Variants in TRDN observed in about 807,000 individuals in gnomAD.
The protein encoded by TRDN is triadin in skeletal muscle.
In TRDN, 161 loss-of-function variants were observed where a neutral mutation model predicts 149.7. The ratio of observed to expected loss-of-function variants is 1.08; its 90% confidence interval spans 0.95 to 1.23. TRDN has a LOEUF of 1.23. TRDN is among the 50% of genes most tolerant of loss of function. The probability of loss-of-function intolerance (pLI) is 0.00; values close to 1 mark genes in which losing one functional copy is unlikely to be tolerated. For synonymous variants in TRDN, 294 were observed against 250.5 expected (o/e 1.17, Z -1.64); for missense variants, 896 against 823.5 (o/e 1.09, Z -1.08).
chr6:123,249,352 TC>T (rs1776297159), intron 38 of TRDN, among the ~76,000 whole-genome samples: 1 of 152,178 alleles, frequency 6.6e-6, no homozygotes, highest in East Asian at 1.9e-4. Context: ...TTGGTTCAAT[TC>T]CTATGGAAAA....
chr6:123,535,929 G>A (rs1055891067), intron 4 of TRDN, among the ~76,000 whole-genome samples: 1 of 152,030 alleles, frequency 6.6e-6, no homozygotes, highest in Non-Finnish European at 1.5e-5. Flanking sequence ...ACAAAAATAT[G>A]TGCATCTCTG....
chr6:123,389,357 G>C (rs1782022844), intron 13 of TRDN: 1 of 152,134 alleles, frequency 6.6e-6, no homozygotes, highest in Non-Finnish European at 1.5e-5. Context: ...TTCCAGTATG[G>C]TAATCTCACC....
chr6:123,571,494 G>T (rs1474228530), intron 1 of TRDN, among the ~76,000 whole-genome samples: 1 of 99,740 alleles, frequency 1.0e-5, no homozygotes, highest in Non-Finnish European at 1.9e-5. Context: ...TTCATGTTTT[G>T]TTTGTTTGTT....
intron 6 of TRDN, among the ~76,000 whole-genome samples, chr6:123,512,731 G>A (rs1017746429): frequency 2.0e-5 from 3 of 152,048 alleles, no homozygotes; most frequent in African/African-American, 7.2e-5. Flanking sequence ...AAATTGTGTT[G>A]TTTGGTAGTT....
chr6:123,267,901 A>T (rs1435029469), intron 31 of TRDN, 150 bp from the exon 32 acceptor site: 1 of 614,784 alleles, frequency 1.6e-6, no homozygotes, highest in Non-Finnish European at 2.7e-6. Context: ...GCATATTGCC[A>T]TAAAAAAATT....
intron 9 of TRDN, among the ~76,000 whole-genome samples, chr6:123,495,961 C>T (rs1352783096): frequency 1.3e-5 from 2 of 150,754 alleles, no homozygotes; most frequent in Non-Finnish European, 3.0e-5. Flanking sequence ...TGTCTTTCCA[C>T]CATATCACAC....
At chr6:123,337,079 G>A (rs1014839750) in intron 22 of TRDN, among the ~76,000 whole-genome samples, 13 of 151,910 alleles carry the variant, frequency 8.6e-5, no homozygotes, top group African/African-American at 2.4e-4. Context: ...AGAATTTCAT[G>A]CTTTTTCATA....
At chr6:123,270,192 G>A (rs1295265015) in intron 30 of TRDN, among the ~76,000 whole-genome samples, 2 of 151,916 alleles carry the variant, frequency 1.3e-5, no homozygotes, top group African/African-American at 4.8e-5. Context: ...ATACCTTAGG[G>A]TGCAAATTAA....
intron 24 of TRDN, among the ~76,000 whole-genome samples, chr6:123,281,617 T>C (rs2114632385): frequency 6.6e-6 from 1 of 152,136 alleles, no homozygotes; most frequent in South Asian, 2.1e-4. Context: ...CAAAAAACCC[T>C]AAAATACACA....
chr6:123,401,819 C>T (rs537069615), intron 12 of TRDN, among the ~76,000 whole-genome samples: 3 of 152,014 alleles, frequency 2.0e-5, no homozygotes, highest in Non-Finnish European at 2.9e-5. Context: ...TGGGGGTGCT[C>T]ACCTGTAATT....
chr6:123,544,586 C>A (rs1781024318), intron 4 of TRDN, among the ~76,000 whole-genome samples: 1 of 151,918 alleles, frequency 6.6e-6, no homozygotes, highest in African/African-American at 2.4e-5. Context: ...CAAAGTATAC[C>A]ACTATACACA....
At position 123,217,099 on chromosome 6, in the gene TRDN, G is replaced by C. The variant is rs1253424156; in HGVS notation, c.*1502C>G. The C allele has an allele frequency of 6.6e-6, 1 of 151,932 alleles. No homozygotes were observed. The highest frequency in any genetic ancestry group is 1.5e-5 in the Non-Finnish European group (1 of 67,932). The allele number at this position is 151,932 out of a possible 1,614,324, so 9.4% of individuals were successfully genotyped here. A position where few individuals can be genotyped will look rare whatever the true frequency, so the allele number is the denominator to read the frequency against. ...ATGTCCCACATACCCCATAAAGAGAGTCATTAATCTGGTTCATGTGACACT... is the reference window on the plus strand; with the variant it reads ...ATGTCCCACATACCCCATAAAGAGACTCATTAATCTGGTTCATGTGACACT... On this transcript the variant is annotated 3_prime_UTR_variant, in exon 41 of 41. Coordinates refer to ENST00000334268, the MANE Select transcript of TRDN (RefSeq NM_006073.4).
At chr6:123,259,926 C>G (rs555878098) in intron 34 of TRDN, among the ~76,000 whole-genome samples, 3 of 151,632 alleles carry the variant, frequency 2.0e-5, no homozygotes, top group African/African-American at 7.3e-5. Context: ...CCTCCTACTT[C>G]TTTTTTTCCT....
At chr6:123,310,961 A>G (rs893658955) in intron 24 of TRDN, among the ~76,000 whole-genome samples, 1 of 151,992 alleles carries the variant, frequency 6.6e-6, no homozygotes, top group Non-Finnish European at 1.5e-5. Flanking sequence ...ATCTAGAAAT[A>G]TACTAACCCC....
intron 24 of TRDN, among the ~76,000 whole-genome samples, chr6:123,305,938 A>G (rs1778592269): frequency 6.6e-6 from 1 of 152,146 alleles, no homozygotes; most frequent in Non-Finnish European, 1.5e-5. Flanking sequence ...CAGTGGCTAT[A>G]ACAAGTCTCA....
intron 12 of TRDN, among the ~76,000 whole-genome samples, chr6:123,414,336 C>T (rs531489217): frequency 4.6e-5 from 7 of 152,070 alleles, no homozygotes; most frequent in East Asian, 1.9e-4. Context: ...TTAACGAGAA[C>T]GTACTCCATA....
intron 29 of TRDN, among the ~76,000 whole-genome samples, 180 bp from the exon 30 acceptor site, chr6:123,271,366 A>T (rs1777201104): frequency 6.6e-6 from 1 of 151,998 alleles, no homozygotes; most frequent in South Asian, 2.1e-4. Context: ...AAATCTGTCC[A>T]GCTGAAATGT....
chr6:123,441,308 C>T (rs1202403245), intron 10 of TRDN, among the ~76,000 whole-genome samples: 1 of 152,094 alleles, frequency 6.6e-6, no homozygotes, highest in Non-Finnish European at 1.5e-5. Context: ...TTCTGTCTAC[C>T]TGACTTTGAA....
rs1745754436 is a variant in TRDN at position 123,266,342 on chromosome 6, T to C, written c.1784-1004A>G. 2.6e-5 allele frequency among the ~76,000 whole-genome samples: 3 copies of C among 114,000 alleles called. No homozygotes were observed. The South Asian group carries it at 7.2e-4, about 27-fold the overall frequency. 74.8% of individuals were successfully genotyped at this position (114,000 alleles called of 152,430 possible). On this transcript the variant is annotated intron_variant, in intron 32 of 40. Coordinates refer to ENST00000334268, the MANE Select transcript of TRDN (RefSeq NM_006073.4). ...ATGTATTATATATTATGATATGTAT[T>C]ATATATAATATATATATTATGATAT...
Sources: allele counts gnomAD v4.1 joint callset (sites outside exome capture counted in the v4.1 genomes callset), GRCh38; gene constraint gnomAD v4.1.1; transcripts MANE v1.5; gene names NCBI Gene and HGNC (gene_info 2026-07-23, HGNC 2026-07-21).